The following OR1J2 variants were observed in gnomAD, a reference collection of about 807,000 sequenced individuals.
The protein encoded by OR1J2 is olfactory receptor family 1 subfamily J member 2, also known as olfactory receptor 1J2.
For missense variants in OR1J2, 304 were observed against 246.1 expected (o/e 1.24, Z -1.57); for synonymous variants, 142 against 99.7 (o/e 1.42, Z -2.52).
chr9:122,484,284 C>T, the OR1J2 span, among the ~76,000 whole-genome samples: 1 of 152,068 alleles, frequency 6.6e-6, no homozygotes, highest in African/African-American at 2.4e-5. Flanking sequence ...GCCTCAGCCT[C>T]CCAAGTAGCT....
the OR1J2 span, among the ~76,000 whole-genome samples, chr9:122,564,036 G>A: frequency 1.3e-5 from 2 of 152,164 alleles, no homozygotes; most frequent in African/African-American, 2.4e-5. Flanking sequence ...GTCAGGTAGT[G>A]TGATGCCTCC....
chr9:122,516,771 G>C, the OR1J2 span, among the ~76,000 whole-genome samples: 2 of 152,202 alleles, frequency 1.3e-5, no homozygotes, highest in Non-Finnish European at 2.9e-5. Context: ...GAATGGAGAA[G>C]GAGGGGGAGA....
At chr9:122,542,371 G>T in the OR1J2 span, among the ~76,000 whole-genome samples, 1 of 152,106 alleles carries the variant, frequency 6.6e-6, no homozygotes, top group Admixed American at 6.5e-5. Flanking sequence ...GGGCAATAGG[G>T]TAAGTAATAT....
the OR1J2 span, among the ~76,000 whole-genome samples, chr9:122,536,374 A>G: frequency 6.6e-6 from 1 of 152,220 alleles, no homozygotes; most frequent in African/African-American, 2.4e-5. Flanking sequence ...ATGATGTCAT[A>G]CTAAACTCAT....
upstream of OR1J2, among the ~76,000 whole-genome samples, chr9:122,506,979 C>T (rs1017494197): frequency 6.4e-4 from 97 of 152,146 alleles, no homozygotes; most frequent in African/African-American, 2.2e-3. Context: ...TCCTACACTT[C>T]CAAAATGTGT....
At chr9:122,476,593 T>C in the OR1J2 span, among the ~76,000 whole-genome samples, 1 of 152,254 alleles carries the variant, frequency 6.6e-6, no homozygotes, top group African/African-American at 2.4e-5. Context: ...AAGTGAGCTA[T>C]ATTTTCAATA....
the OR1J2 span, among the ~76,000 whole-genome samples, chr9:122,482,080 A>G: frequency 2.6e-5 from 4 of 152,162 alleles, no homozygotes; most frequent in African/African-American, 9.7e-5. Context: ...AAGACAACCT[A>G]CAGAATGAAA....
the OR1J2 span, among the ~76,000 whole-genome samples, chr9:122,448,087 C>T: frequency 6.6e-6 from 1 of 152,134 alleles, no homozygotes; most frequent in Non-Finnish European, 1.5e-5. Context: ...GCACCGGTCT[C>T]TGAGTTCCCT....
the OR1J2 span, among the ~76,000 whole-genome samples, chr9:122,530,873 G>A: frequency 6.6e-6 from 1 of 152,182 alleles, no homozygotes; most frequent in East Asian, 1.9e-4. Context: ...TGTCATCAGT[G>A]AAGGCAGGAA....
At chr9:122,511,889 G>A (rs112287533), downstream of OR1J2, 289 of 620,634 alleles carry the variant, frequency 4.7e-4, 1 homozygote, top group African/African-American at 4.4e-3. Flanking sequence ...ATATTTGTTG[G>A]CCAGAATTCC....
rs748407800 is a variant in OR1J2, at chr9:122,511,095, T to C, written c.294T>C (p.Ile98=). 2 of 1,092,322 alleles carry C rather than the reference T, an allele frequency of 1.8e-6. No individual in the cohort carries two copies. The highest frequency in any genetic ancestry group is 2.0e-5 in the Admixed American group (1 of 49,066). 67.7% of individuals were successfully genotyped at this position (1,092,322 alleles called of 1,614,324 possible). The change falls in exon 1 of 1, where the codon ATT becomes ATC. Residue 98 remains isoleucine (I), a synonymous_variant. Coordinates refer to ENST00000335302, the MANE Select transcript of OR1J2 (RefSeq NM_054107.1). ...KYKSILYEEC[I]SQMYFFIFFT... is the part of the protein sequence containing the mutation. ...AATCGATCCTCTATGAGGAATGCAT[T>C]TCTCAGATGTATTTTTTTATATTTT...
chr9:122,475,316 A>G, the OR1J2 span, among the ~76,000 whole-genome samples: 1 of 152,198 alleles, frequency 6.6e-6, no homozygotes, highest in East Asian at 1.9e-4. Context: ...AAGAAGTGAA[A>G]GCATTCCCTA....
At chr9:122,552,500 A>C in the OR1J2 span, among the ~76,000 whole-genome samples, 1 of 152,160 alleles carries the variant, frequency 6.6e-6, no homozygotes, top group African/African-American at 2.4e-5. Flanking sequence ...AGAGGAAGTG[A>C]TGGAAGGGAG....
At chr9:122,458,148 G>A in the OR1J2 span, among the ~76,000 whole-genome samples, 2 of 152,094 alleles carry the variant, frequency 1.3e-5, no homozygotes, top group Non-Finnish European at 2.9e-5. Context: ...TTATTTGGAA[G>A]GATATTTTCA....
At chr9:122,476,972 T>G in the OR1J2 span, 1 of 1,419,312 alleles carries the variant, frequency 7.0e-7, no homozygotes, top group Non-Finnish European at 9.9e-7. Context: ...CCTCCCAAAG[T>G]GTTGAGATTA....
chr9:122,550,865 C>T, the OR1J2 span, among the ~76,000 whole-genome samples: 7 of 151,632 alleles, frequency 4.6e-5, no homozygotes, highest in African/African-American at 1.5e-4. Flanking sequence ...ACTTTCATCA[C>T]TCCTATTCAA....
chr9:122,511,804 A>C (rs1828644023), downstream of OR1J2: 1 of 758,824 alleles, frequency 1.3e-6, no homozygotes. Flanking sequence ...TTGATTTTCC[A>C]TTTGAATATG....
At chr9:122,519,275 CAT>C in the OR1J2 span, 1 of 1,613,972 alleles carries the variant, frequency 6.2e-7, no homozygotes, top group Admixed American at 1.7e-5. Context: ...ACCTGCTCAT[CAT>C]CCTGCTCATC....
the OR1J2 span, among the ~76,000 whole-genome samples, chr9:122,468,240 G>A: frequency 1.3e-5 from 2 of 152,280 alleles, no homozygotes; most frequent in South Asian, 2.1e-4. Flanking sequence ...AAATAATAAA[G>A]CCATTTAATT....
Sources: gnomAD v4.1 joint callset for allele counts (sites outside exome capture counted in the v4.1 genomes callset) on GRCh38, gnomAD v4.1.1 for gene constraint, MANE v1.5 for transcripts, NCBI Gene and HGNC (gene_info 2026-07-23, HGNC 2026-07-21) for gene names.